TENM2: variants seen among roughly 807,000 people sequenced by gnomAD.
The protein encoded by TENM2 is teneurin transmembrane protein 2.
In TENM2, 52 loss-of-function variants were observed where a neutral mutation model predicts 245.2. The ratio of observed to expected loss-of-function variants is 0.21; its 90% CI spans 0.17 to 0.27. The LOEUF is 0.27. TENM2 is among the 10% of genes least tolerant of loss of function. The probability of loss-of-function intolerance (pLI) is 1.00; values close to 1 mark genes in which losing one functional copy is unlikely to be tolerated. For synonymous variants in TENM2, 1,363 were observed against 1,438.9 expected (o/e 0.95, Z 1.19); for missense variants, 3,046 against 3,666.8 (o/e 0.83, Z 4.37).
intron 6 of TENM2, among the ~76,000 whole-genome samples, chr5:168,054,581 C>T (rs1789381464): frequency 6.6e-6 from 1 of 152,190 alleles, no homozygotes. Flanking sequence ...GGCTTCATTT[C>T]CCTGGTATGA....
chr5:167,917,860 AAAGTCTCCAT>A (rs1183677106), intron 3 of TENM2, among the ~76,000 whole-genome samples: 1 of 152,234 alleles, frequency 6.6e-6, no homozygotes, highest in Non-Finnish European at 1.5e-5. Context: ...CATGTTGACA[AAAGTCTCCAT>A]AAGGGAACCT....
chr5:167,126,378 G>C, the TENM2 span, among the ~76,000 whole-genome samples: 1 of 152,046 alleles, frequency 6.6e-6, no homozygotes, highest in African/African-American at 2.4e-5. Context: ...TCATTTCTTG[G>C]CAAATGGTTG....
chr5:167,774,623 C>T (rs1386137219), intron 2 of TENM2, among the ~76,000 whole-genome samples: 1 of 152,058 alleles, frequency 6.6e-6, no homozygotes, highest in Admixed American at 6.5e-5. Context: ...CCCTGGGTTG[C>T]CTAAGATGGT....
At chr5:167,307,358 A>T (rs1755739886) in intron 1 of TENM2, among the ~76,000 whole-genome samples, 1 of 152,174 alleles carries the variant, frequency 6.6e-6, no homozygotes, top group Admixed American at 6.6e-5. Flanking sequence ...TTATTCTATT[A>T]TACTGTCAGG....
intron 1 of TENM2, among the ~76,000 whole-genome samples, chr5:167,329,047 T>A (rs965982799): frequency 6.6e-6 from 1 of 152,196 alleles, no homozygotes; most frequent in African/African-American, 2.4e-5. Flanking sequence ...CCTTCCAGAA[T>A]AAATGTTGTT....
chr5:167,630,550 A>C (rs1396164105), intron 2 of TENM2, among the ~76,000 whole-genome samples: 2 of 152,194 alleles, frequency 1.3e-5, no homozygotes, highest in Non-Finnish European at 2.9e-5. Context: ...GCACGAAGTG[A>C]AATTGCCGCA....
intron 2 of TENM2, among the ~76,000 whole-genome samples, chr5:167,677,198 C>T (rs1268005784): frequency 1.3e-5 from 2 of 151,990 alleles, no homozygotes; most frequent in Admixed American, 6.6e-5. Context: ...TGAAATGATT[C>T]CCTAAACACA....
chr5:168,214,976 T>G, intron 20 of TENM2, 64 bp from the exon 23 acceptor site: 1 of 1,430,114 alleles, frequency 7.0e-7, no homozygotes, highest in Admixed American at 1.7e-5. Flanking sequence ...TTGTCATTCC[T>G]TTGATCTAGG....
At chr5:168,033,717 A>T (rs762194764) in intron 5 of TENM2, among the ~76,000 whole-genome samples, 1 of 152,120 alleles carries the variant, frequency 6.6e-6, no homozygotes, top group Non-Finnish European at 1.5e-5. Flanking sequence ...CAATGTGTTC[A>T]TGCCTCAAAA....
At chr5:167,396,229 G>A (rs2127375481) in intron 2 of TENM2, among the ~76,000 whole-genome samples, 1 of 152,194 alleles carries the variant, frequency 6.6e-6, no homozygotes, top group East Asian at 1.9e-4. Flanking sequence ...CAGTGTATGA[G>A]TGGATAAAGA....
chr5:168,002,338 G>A (rs1784473846), intron 5 of TENM2, among the ~76,000 whole-genome samples: 1 of 152,190 alleles, frequency 6.6e-6, no homozygotes, highest in Non-Finnish European at 1.5e-5. Flanking sequence ...CCTTGCTTTT[G>A]CCTTTGCAGT....
At chr5:167,093,160 AGTT>A in the TENM2 span, among the ~76,000 whole-genome samples, 2 of 152,058 alleles carry the variant, frequency 1.3e-5, no homozygotes, top group African/African-American at 4.8e-5. Flanking sequence ...GAAAAAAAAA[AGTT>A]GTGACAAGAA....
intron 2 of TENM2, among the ~76,000 whole-genome samples, chr5:167,532,829 T>TAC (rs1330163023): frequency 6.7e-5 from 10 of 148,964 alleles, no homozygotes; most frequent in African/African-American, 2.5e-4. Flanking sequence ...TGTGTGTGTA[T>TAC]ATATATATAT....
intron 2 of TENM2, among the ~76,000 whole-genome samples, chr5:167,381,325 T>C (rs1191324055): frequency 6.6e-6 from 1 of 152,188 alleles, no homozygotes; most frequent in African/African-American, 2.4e-5. Flanking sequence ...AATTATTCTT[T>C]CTTGCTTTCC....
intron 6 of TENM2, among the ~76,000 whole-genome samples, chr5:168,057,952 C>A (rs1789697966): frequency 6.6e-6 from 1 of 151,992 alleles, no homozygotes; most frequent in Non-Finnish European, 1.5e-5. Flanking sequence ...ATGAGTGAGC[C>A]TGGGTGCGAG....
At chr5:167,842,325 A>G (rs994578052) in intron 2 of TENM2, among the ~76,000 whole-genome samples, 7 of 152,198 alleles carry the variant, frequency 4.6e-5, no homozygotes, top group Non-Finnish European at 1.0e-4. Context: ...GCAGTGGCTC[A>G]TGCCTGTAAT....
chr5:167,176,856 C>T, the TENM2 span, among the ~76,000 whole-genome samples: 1 of 152,068 alleles, frequency 6.6e-6, no homozygotes, highest in Non-Finnish European at 1.5e-5. Flanking sequence ...CTGTGTGACC[C>T]CCGTGGTTTA....
chr5:167,188,787 G>A, the TENM2 span, among the ~76,000 whole-genome samples: 11,857 of 152,146 alleles, frequency 0.078, 1,563 homozygotes, highest in African/African-American at 0.27. Context: ...TGGACTTTAA[G>A]ATTATACGAA....
At chr5:167,051,091 T>G in the TENM2 span, among the ~76,000 whole-genome samples, 1 of 152,098 alleles carries the variant, frequency 6.6e-6, no homozygotes, top group Non-Finnish European at 1.5e-5. Flanking sequence ...ATTTTTTCCC[T>G]TTTGACAAAA....
Sources: gnomAD v4.1 joint callset for allele counts (sites outside exome capture counted in the v4.1 genomes callset) on GRCh38, gnomAD v4.1.1 for gene constraint, MANE v1.5 for transcripts, NCBI Gene and HGNC (gene_info 2026-07-23, HGNC 2026-07-21) for gene names.